Variants in RAB11FIP3 observed in about 807,000 individuals in gnomAD.
RAB11FIP3 encodes the protein rab11 family-interacting protein 3.
A neutral mutation model predicts 77.8 loss-of-function variants in RAB11FIP3; 17 were observed. The observed-to-expected ratio is 0.22, with a 90% confidence interval of 0.15 to 0.33. The LOEUF (loss-of-function observed/expected upper bound fraction) is 0.33. Among genes scored for constraint, RAB11FIP3 ranks in the 10% least tolerant of loss-of-function variants. The probability of loss-of-function intolerance (pLI) is 1.00; values close to 1 mark genes in which losing one functional copy is unlikely to be tolerated. For synonymous variants in RAB11FIP3, 437 were observed against 448.2 expected, an observed-to-expected ratio of 0.98 and a Z score of 0.31; for missense variants, 1,005 against 1,011.2, an observed-to-expected ratio of 0.99 and a Z score of 0.08.
intron 2 of RAB11FIP3, among the ~76,000 whole-genome samples, chr16:462,138 C>T (rs1253073677): frequency 2.0e-5 from 3 of 152,208 alleles, no homozygotes; most frequent in Non-Finnish European, 4.4e-5. Flanking sequence ...ATGTGGGTGC[C>T]GCATACCCCT....
intron 9 of RAB11FIP3, among the ~76,000 whole-genome samples, chr16:518,724 C>G (rs1266219469): frequency 6.6e-6 from 1 of 151,334 alleles, no homozygotes; most frequent in Non-Finnish European, 1.5e-5. Flanking sequence ...GACTCTGCCT[C>G]AAGAAAAAAA....
chr16:445,113 CAAAA>C (rs56706849), intron 1 of RAB11FIP3, among the ~76,000 whole-genome samples: 1 of 70,828 alleles, frequency 1.4e-5, no homozygotes. Context: ...GACTCTGTCT[CAAAA>C]AAAAAAAAAA....
At chr16:450,766 A>G (rs929120953) in intron 1 of RAB11FIP3, among the ~76,000 whole-genome samples, 1 of 152,126 alleles carries the variant, frequency 6.6e-6, no homozygotes, top group African/African-American at 2.4e-5. Context: ...GCTGGCTCGC[A>G]TTCTAGAGAA....
intron 1 of RAB11FIP3, among the ~76,000 whole-genome samples, chr16:429,533 T>C (rs2055002767): frequency 6.6e-6 from 1 of 151,558 alleles, no homozygotes; most frequent in Non-Finnish European, 1.5e-5. Context: ...TCTCGCCTGC[T>C]CTGTCGCCCA....
At position 471,495 on chromosome 16, in the gene RAB11FIP3, G is replaced by A; in HGVS notation, c.903+106G>A. 9.8e-7 allele frequency: 1 copy of A among 1,017,104 alleles called. No homozygotes were observed. The highest frequency in any genetic ancestry group is 1.5e-6 in the Non-Finnish European group (1 of 670,460). 63.0% of individuals were successfully genotyped at this position (1,017,104 alleles called of 1,614,324 possible). ...CTCCGGGCTGTCTTCCGTAGAAGCT[G>A]GCGTGAAGGAAGGGCCTCCCGCCCT... On this transcript the variant is annotated intron_variant, in intron 3 of 13. Coordinates refer to ENST00000262305, the MANE Select transcript of RAB11FIP3 (RefSeq NM_014700.4). This position sits in a 1 kb window ranked among gnomAD's most constrained non-coding sequence, Gnocchi z 4.4.
Position 506,093 on chromosome 16 carries a change from C to T in RAB11FIP3, c.1499+466C>T, listed in dbSNP as rs1035617405. On this transcript the variant is annotated intron_variant, in intron 8 of 13. Transcript: ENST00000262305. The surrounding 1 kb of genome is among the most constrained non-coding windows in gnomAD (Gnocchi z 4.5). ...TGACTGCTGAGTACGCGACAGGACGCGCAGTCTCATCGCTGTGGGCAGGAG... is the reference window on the plus strand; with the variant it reads ...TGACTGCTGAGTACGCGACAGGACGTGCAGTCTCATCGCTGTGGGCAGGAG... Among the ~76,000 whole-genome samples the T allele has an allele frequency of 8.5e-5, 13 of 152,196 alleles. No individual in the cohort carries two copies. Among genetic ancestry groups the T allele is most frequent in the African/African-American group, 3.1e-4 (13 of 41,460 alleles).
chr16:426,779 G>T lies in RAB11FIP3; in HGVS notation c.714+59G>T, dbSNP rs2054953904. On this transcript the variant is annotated intron_variant, in intron 1 of 13. Transcript: ENST00000262305. This position sits in a 1 kb window ranked among gnomAD's most constrained non-coding sequence, Gnocchi z 5.0. ...GGGCAGGTGCGCGCTGGCCGGCGGG[G>T]TTGATGTGGGACCGGTCGACGCTGC... The T allele has an allele frequency of 7.3e-7, 1 of 1,373,140 alleles. No individual in the cohort carries two copies. The highest frequency in any genetic ancestry group is 9.7e-7 in the Non-Finnish European group (1 of 1,031,356). 85.1% of individuals were successfully genotyped at this position (1,373,140 alleles called of 1,614,324 possible).
Position 507,500 on chromosome 16 carries a change from GC to G in RAB11FIP3, c.1499+1879del, listed in dbSNP as rs1239322487. Among the ~76,000 whole-genome samples the G allele has an allele frequency of 6.6e-6, 1 of 152,180 alleles. No homozygotes were observed. The highest frequency in any genetic ancestry group is 1.5e-5 in the Non-Finnish European group (1 of 68,030). Reference sequence around the variant, plus strand: ...GGCCTCAAGCGATCCTCCCACCTTGGCCCCCCAAAGTGCTGAAATCAGAGGC... The same window carrying G: ...GGCCTCAAGCGATCCTCCCACCTTGGCCCCCAAAGTGCTGAAATCAGAGGC... On this transcript the variant is annotated intron_variant, in intron 8 of 13. Transcript: ENST00000262305. The surrounding 1 kb of genome is among the most constrained non-coding windows in gnomAD (Gnocchi z 4.6).
intron 1 of RAB11FIP3, among the ~76,000 whole-genome samples, chr16:437,293 A>T (rs2141852236): frequency 6.9e-6 from 1 of 144,836 alleles, no homozygotes; most frequent in Admixed American, 6.9e-5. Flanking sequence ...AAAAGGCTAG[A>T]TGTGGTGGCT....
At chr16:494,178 C>G (rs915196598) in intron 5 of RAB11FIP3, among the ~76,000 whole-genome samples, 1 of 148,402 alleles carries the variant, frequency 6.7e-6, no homozygotes, top group Admixed American at 6.7e-5. Flanking sequence ...TGTGAGCCAC[C>G]GCACCTGGCC....
rs1238316097 is a variant in RAB11FIP3, at chr16:460,263, CCAGT to C, written c.715-1136_715-1133del. Among the ~76,000 whole-genome samples, 4 of 152,112 alleles carry C rather than the reference CCAGT, an allele frequency of 2.6e-5. No homozygotes were observed. In the South Asian group the frequency reaches 8.3e-4, roughly 32 times the overall value. On this transcript the variant is annotated intron_variant, in intron 1 of 13. Transcript: ENST00000262305. The stretch of plus-strand genomic sequence containing the variant: ...ATATATGATTTGCAAATACTTTCTC[CCAGT>C]CAGTGTCATTTTTTTGCTTTTATTA...
chr16:436,150 A>G (rs939030045), intron 1 of RAB11FIP3, among the ~76,000 whole-genome samples: 1 of 152,144 alleles, frequency 6.6e-6, no homozygotes, highest in Non-Finnish European at 1.5e-5. Flanking sequence ...CCCTGCTAAA[A>G]GTACAAAAAA....
At chr16:492,325 A>C (rs1243788493) in intron 5 of RAB11FIP3, among the ~76,000 whole-genome samples, 1 of 126,098 alleles carries the variant, frequency 7.9e-6, no homozygotes, top group African/African-American at 3.6e-5. Flanking sequence ...TCTTGGCAGC[A>C]CTGGTGAGAA....
intron 7 of RAB11FIP3, 22 bp downstream of exon 7, chr16:503,119 A>G: frequency 6.3e-7 from 1 of 1,576,280 alleles, no homozygotes; most frequent in Non-Finnish European, 8.7e-7. Flanking sequence ...AGGGCTGGGT[A>G]GGTGGCAAGT....
chr16:438,944 C>T (rs534853405), intron 1 of RAB11FIP3, among the ~76,000 whole-genome samples: 9 of 152,268 alleles, frequency 5.9e-5, no homozygotes, highest in East Asian at 1.9e-4. Flanking sequence ...CGCCTTGGCA[C>T]CCAAAGTGCT....
At chr16:459,466 T>C (rs2055566696) in intron 1 of RAB11FIP3, among the ~76,000 whole-genome samples, 1 of 134,360 alleles carries the variant, frequency 7.4e-6, no homozygotes, top group Non-Finnish European at 1.6e-5. Flanking sequence ...AGACAAATTC[T>C]CATTTTGTAG....
chr16:438,814 C>T (rs1351685972), intron 1 of RAB11FIP3, among the ~76,000 whole-genome samples: 1 of 152,004 alleles, frequency 6.6e-6, no homozygotes, highest in East Asian at 1.9e-4. Flanking sequence ...CTTAGCCTCC[C>T]AAGTAGCTGG....
intron 2 of RAB11FIP3, among the ~76,000 whole-genome samples, chr16:467,189 G>A (rs74329044): frequency 5.9e-5 from 9 of 152,316 alleles, no homozygotes; most frequent in African/African-American, 2.2e-4. Flanking sequence ...CGTCTGGGAT[G>A]GGAAGGCAGC....
Position 514,520 on chromosome 16 carries a change from A to G in RAB11FIP3, c.1640+3720A>G, listed in dbSNP as rs548196835. On this transcript the variant is annotated intron_variant, in intron 9 of 13. Transcript: ENST00000262305. This position sits in a 1 kb window ranked among gnomAD's most constrained non-coding sequence, Gnocchi z 4.6. The stretch of plus-strand genomic sequence containing the variant: ...GGAGCCTCAGTAGAGATGAGAGTTA[A>G]AGCTGAAAGGGCATAGAGAAGATGG... 5.9e-5 allele frequency among the ~76,000 whole-genome samples: 9 copies of G among 152,318 alleles called. No homozygotes were observed. The South Asian group carries it at 1.0e-3, about 18-fold the overall frequency.
Sources: allele counts gnomAD v4.1 joint callset (sites outside exome capture counted in the v4.1 genomes callset), GRCh38; gene constraint gnomAD v4.1.1; non-coding constraint Gnocchi (gnomAD v3.1); transcripts MANE v1.5; gene names NCBI Gene and HGNC (gene_info 2026-07-23, HGNC 2026-07-21).